The following INSL6 variants were observed in gnomAD, a reference collection of about 807,000 sequenced individuals.
INSL6 encodes insulin-like peptide INSL6.
INSL6 carries 16 observed loss-of-function variants against 9.4 expected under a neutral mutation model. The ratio of observed to expected loss-of-function variants is 1.70; its 90% CI spans 1.15 to 2.59. The LOEUF is 2.59. INSL6 is among the 30% of genes most tolerant of loss of function. The probability of loss-of-function intolerance (pLI) is 0.00; values close to 1 mark genes in which losing one functional copy is unlikely to be tolerated. For synonymous variants in INSL6, 154 were observed against 96.9 expected (o/e 1.59, Z -3.46); for missense variants, 391 against 257.3 (o/e 1.52, Z -3.56).
chr9:5,081,047 C>A, the INSL6 span, among the ~76,000 whole-genome samples: 2 of 151,768 alleles, frequency 1.3e-5, no homozygotes, highest in Non-Finnish European at 2.9e-5. Context: ...AGGCGCCCGC[C>A]ACCACACCCG....
chr9:5,001,047 T>G, the INSL6 span, among the ~76,000 whole-genome samples: 2 of 152,214 alleles, frequency 1.3e-5, no homozygotes, highest in African/African-American at 4.8e-5. Flanking sequence ...TTGTTTATTT[T>G]GTGATGTATC....
At chr9:5,064,874 T>C in the INSL6 span, 1 of 1,526,618 alleles carries the variant, frequency 6.6e-7, no homozygotes, top group Non-Finnish European at 8.8e-7. Context: ...TTTTCTTTTC[T>C]CTGCTTAGGA....
chr9:5,111,354 T>C, the INSL6 span: 6 of 407,410 alleles, frequency 1.5e-5, no homozygotes, highest in Non-Finnish European at 1.4e-5. Flanking sequence ...GACCTCCCGG[T>C]ACTACCCCTC....
the INSL6 span, among the ~76,000 whole-genome samples, chr9:5,064,302 G>C: frequency 6.6e-6 from 1 of 151,972 alleles, no homozygotes; most frequent in Non-Finnish European, 1.5e-5. Context: ...GACTGAGGTG[G>C]GTGGATCACT....
chr9:4,992,664 G>A, the INSL6 span, among the ~76,000 whole-genome samples: 2 of 152,120 alleles, frequency 1.3e-5, no homozygotes, highest in Non-Finnish European at 2.9e-5. Context: ...GTACAGAATA[G>A]TTTTCTTGGG....
At chr9:5,066,299 G>A in the INSL6 span, among the ~76,000 whole-genome samples, 1 of 152,042 alleles carries the variant, frequency 6.6e-6, no homozygotes, top group East Asian at 1.9e-4. Context: ...AACTGCTATG[G>A]TAGTAGAGAT....
chr9:5,044,111 T>G, the INSL6 span, among the ~76,000 whole-genome samples: 1 of 152,254 alleles, frequency 6.6e-6, no homozygotes, highest in African/African-American at 2.4e-5. Flanking sequence ...TGGATTAAGC[T>G]ATGTTTTTAA....
chr9:5,106,275 C>T, the INSL6 span, among the ~76,000 whole-genome samples: 2 of 152,198 alleles, frequency 1.3e-5, no homozygotes, highest in East Asian at 1.9e-4. Flanking sequence ...GGCATTTATG[C>T]AGCCAACAGA....
At chr9:5,149,691 A>T (rs1241115662) in intron 2 of INSL6, among the ~76,000 whole-genome samples, 1 of 113,418 alleles carries the variant, frequency 8.8e-6, no homozygotes, top group African/African-American at 3.5e-5. Flanking sequence ...TACAATTCCT[A>T]TCAAAATAGC....
chr9:5,164,690 T>G (rs1355961696), intron 1 of INSL6, among the ~76,000 whole-genome samples: 1 of 152,250 alleles, frequency 6.6e-6, no homozygotes, highest in South Asian at 2.1e-4. Context: ...TCTGTTTCTA[T>G]GGATTTGCCT....
the INSL6 span, among the ~76,000 whole-genome samples, chr9:5,040,232 G>T: frequency 6.6e-6 from 1 of 151,882 alleles, no homozygotes; most frequent in South Asian, 2.1e-4. Flanking sequence ...AACAGTGCGG[G>T]GACAACTGGA....
intron 1 of INSL6, among the ~76,000 whole-genome samples, chr9:5,167,838 C>T (rs79015001): frequency 6.6e-6 from 1 of 152,178 alleles, no homozygotes; most frequent in South Asian, 2.1e-4. Context: ...CAGGTTAGCA[C>T]CCCTCTGGGA....
chr9:5,062,532 G>T, the INSL6 span, among the ~76,000 whole-genome samples: 3 of 74,194 alleles, frequency 4.0e-5, no homozygotes, highest in Non-Finnish European at 7.3e-5. Context: ...AAAAAAAAAA[G>T]GTCATATCTG....
intron 1 of INSL6, among the ~76,000 whole-genome samples, chr9:5,177,962 A>C (rs972363329): frequency 2.6e-5 from 4 of 151,594 alleles, no homozygotes; most frequent in Non-Finnish European, 2.9e-5. Context: ...TGTAACCTCC[A>C]CCTCCCAGGT....
At chr9:5,128,681 G>C (rs1372257854) in intron 3 of INSL6, among the ~76,000 whole-genome samples, 1 of 151,866 alleles carries the variant, frequency 6.6e-6, no homozygotes, top group Non-Finnish European at 1.5e-5. Context: ...AGAATGGGGT[G>C]ACTACCTTAT....
the INSL6 span, among the ~76,000 whole-genome samples, chr9:5,082,148 A>C: frequency 6.6e-6 from 1 of 152,224 alleles, no homozygotes; most frequent in Non-Finnish European, 1.5e-5. Flanking sequence ...AAGTGGGCCC[A>C]GGGGACCAGT....
the INSL6 span, among the ~76,000 whole-genome samples, chr9:5,107,250 C>G: frequency 1.3e-5 from 2 of 151,986 alleles, no homozygotes; most frequent in Non-Finnish European, 1.5e-5. Flanking sequence ...CCTTAGTAAC[C>G]GACACCTTAC....
At chr9:5,035,472 CA>C in the INSL6 span, among the ~76,000 whole-genome samples, 2 of 152,126 alleles carry the variant, frequency 1.3e-5, no homozygotes, top group Non-Finnish European at 2.9e-5. Context: ...AACATTGATG[CA>C]AAAATCCTCA....
the INSL6 span, among the ~76,000 whole-genome samples, chr9:5,042,238 C>T: frequency 2.1e-3 from 315 of 151,168 alleles, 8 homozygotes; most frequent in Admixed American, 0.017. Context: ...CCCGGGTTCC[C>T]GCCATTCTCC....
Sources: allele counts gnomAD v4.1 joint callset (sites outside exome capture counted in the v4.1 genomes callset), GRCh38; gene constraint gnomAD v4.1.1; transcripts MANE v1.5; gene names NCBI Gene and HGNC (gene_info 2026-07-23, HGNC 2026-07-21).